Variants in PSG11 observed in about 807,000 individuals in gnomAD.
The protein encoded by PSG11 is pregnancy-specific beta-1-glycoprotein 11.
Under a neutral mutation model 36.0 loss-of-function variants are expected in PSG11, and 42 were observed. The observed-to-expected ratio is 1.17, with a 90% CI of 0.91 to 1.51. The LOEUF (loss-of-function observed/expected upper bound fraction) is 1.51, where lower values mean the gene tolerates loss of function less well. PSG11 is among the 40% of genes most tolerant of loss of function. PSG11 has a pLI of 0.00. For missense variants in PSG11, 558 were observed against 403.5 expected (o/e 1.38, Z -3.28); for synonymous variants, 206 against 153.5 (o/e 1.34, Z -2.53).
chr19:43,020,326 C>T (rs1201009583), intron 2 of PSG11, among the ~76,000 whole-genome samples: 4 of 151,262 alleles, frequency 2.6e-5, no homozygotes, highest in Admixed American at 6.6e-5. Flanking sequence ...ATCCACAATG[C>T]GCCAGTGAGC....
At chr19:43,015,757 C>G (rs780598767) in intron 3 of PSG11, 3 of 1,609,102 alleles carry the variant, frequency 1.9e-6, no homozygotes, top group Admixed American at 3.3e-5. Flanking sequence ...CACAGAGGAA[C>G]AAAAGATACA....
At chr19:43,018,580 C>G in intron 3 of PSG11, 190 bp downstream of exon 3, 1 of 1,353,662 alleles carries the variant, frequency 7.4e-7, no homozygotes. Context: ...ACAGGAGCAG[C>G]CTCTTTTCTC....
intron 2 of PSG11, among the ~76,000 whole-genome samples, chr19:43,023,320 T>C (rs1360558041): frequency 8.0e-5 from 12 of 150,748 alleles, no homozygotes; most frequent in African/African-American, 2.5e-4. Flanking sequence ...CTTCATTTGT[T>C]ATGTGAGAGC....
At chr19:43,024,056 C>T (rs578012352) in intron 2 of PSG11, among the ~76,000 whole-genome samples, 1 of 151,546 alleles carries the variant, frequency 6.6e-6, no homozygotes, top group East Asian at 1.9e-4. Flanking sequence ...AGGCAGTTGG[C>T]TGATGACCTA....
At chr19:43,015,978 G>A in intron 3 of PSG11, 2 of 1,610,116 alleles carry the variant, frequency 1.2e-6, no homozygotes, top group African/African-American at 1.3e-5. Flanking sequence ...CACAGGTGAA[G>A]GTTAAGACAT....
chr19:43,019,221 T>G (rs1489224738), intron 2 of PSG11, among the ~76,000 whole-genome samples, 173 bp from the exon 3 acceptor site: 1 of 151,354 alleles, frequency 6.6e-6, no homozygotes, highest in Non-Finnish European at 1.5e-5. Flanking sequence ...GCTAAGAGAT[T>G]GTGAGGCTGC....
Position 43,015,126 on chromosome 19 carries a change from G to A in PSG11, c.954C>T (p.Ile318=), listed in dbSNP as rs1336990728. The A allele has an allele frequency of 3.1e-6, 5 of 1,611,816 alleles. No homozygotes were observed. The highest frequency in any genetic ancestry group is 4.2e-6 in the Non-Finnish European group (5 of 1,178,952). ...TGEESSTSLT[I]RVIAPPGLGT... ...CTGGGATCCACTTACCAATGACTCTGATTGTCAAGGATGTGGAGCTTTCCT... is the reference window on the plus strand; with the variant it reads ...CTGGGATCCACTTACCAATGACTCTAATTGTCAAGGATGTGGAGCTTTCCT... The change falls in exon 4 of 6, where the codon ATC becomes ATT. Residue 318 remains isoleucine, a synonymous_variant. Coordinates refer to ENST00000320078, the MANE Select transcript of PSG11 (RefSeq NM_002785.3).
At chr19:43,023,123 G>A (rs977748273) in intron 2 of PSG11, among the ~76,000 whole-genome samples, 2 of 150,590 alleles carry the variant, frequency 1.3e-5, no homozygotes, top group Non-Finnish European at 3.0e-5. Flanking sequence ...AGAACCCTCT[G>A]GTGGCCAAAG....
rs186625603 is a variant in PSG11, at chr19:43,011,749, C to T, written c.965-1708G>A. On this transcript the variant is annotated intron_variant, in intron 4 of 5. Coordinates refer to ENST00000320078, the MANE Select transcript of PSG11 (RefSeq NM_002785.3). ...AAAAAATTAAAAAGCCAACTAGCTG[C>T]GCATGGTGACATGCACCTGTAGTCC... Among the ~76,000 whole-genome samples the T allele has an allele frequency of 7.4e-4, 112 of 150,700 alleles. 3 individuals carry two copies. The highest frequency in any genetic ancestry group is 2.4e-3 in the African/African-American group (97 of 40,840).
chr19:43,025,872 T>C (rs1476350284), intron 1 of PSG11, among the ~76,000 whole-genome samples: 13 of 148,026 alleles, frequency 8.8e-5, no homozygotes, highest in African/African-American at 2.2e-4. Flanking sequence ...CTGTCCCTCT[T>C]GGGTGTATTT....
chr19:43,020,469 C>A (rs1215669260), intron 2 of PSG11, among the ~76,000 whole-genome samples: 1 of 151,116 alleles, frequency 6.6e-6, no homozygotes, highest in East Asian at 1.9e-4. Context: ...GGAGATTAGA[C>A]CTCATGTTGT....
intron 3 of PSG11, 36 bp downstream of exon 3, chr19:43,018,734 G>C: frequency 6.2e-7 from 1 of 1,612,074 alleles, no homozygotes; most frequent in Non-Finnish European, 8.5e-7. Flanking sequence ...TATTTGGGAT[G>C]GCAGCCTGGC....
In PSG11 at chr19:43,010,096, G is replaced by A. The variant is rs1022731473; in HGVS notation, c.965-55C>T. ...TGAAGGTGATGTTATTTTACATGGG[G>A]GAGCGTCAGGAACAAGCATGTAACA... On this transcript the variant is annotated intron_variant, in intron 4 of 5. Transcript: ENST00000320078. 1.7e-5 allele frequency: 26 copies of A among 1,567,376 alleles called. 1 individual carries two copies. Among genetic ancestry groups the A allele is most frequent in the Non-Finnish European group, 2.2e-5 (25 of 1,141,786 alleles).
intron 2 of PSG11, among the ~76,000 whole-genome samples, chr19:43,020,116 C>T (rs1462475785): frequency 1.3e-5 from 2 of 151,226 alleles, no homozygotes; most frequent in African/African-American, 4.9e-5. Context: ...GGTGTTGTTC[C>T]GTGGGTGTGC....
chr19:43,019,084 G>A (rs1308004677), intron 2 of PSG11, 36 bp from the exon 3 acceptor site: 7 of 1,597,684 alleles, frequency 4.4e-6, no homozygotes, highest in Non-Finnish European at 5.1e-6. Flanking sequence ...GCCCTGTGTG[G>A]CACCTTTGAT....
chr19:43,018,868 A>G lies in PSG11; in HGVS notation c.611T>C (p.Leu204Pro), dbSNP rs761755073. The G allele has an allele frequency of 6.8e-6, 11 of 1,611,984 alleles. No individual in the cohort carries two copies. The highest frequency in any genetic ancestry group is 9.3e-6 in the Non-Finnish European group (11 of 1,179,080). Residue 204 changes from leucine to proline, a missense_variant, in exon 3 of 6, where the codon CTA becomes CCA. By Grantham distance (98) the Leu-to-Pro change is moderately conservative. Coordinates refer to ENST00000320078, the MANE Select transcript of PSG11 (RefSeq NM_002785.3). ...QLSETNRTLFLFGVTKYTAGP... is the reference protein window; with the variant it reads ...QLSETNRTLFPFGVTKYTAGP... ...TGCAGTATACTTTGTGACACCAAATAGAAAGAGGGTCCTGTTGGTTTCAGA... is the reference window on the plus strand; with the variant it reads ...TGCAGTATACTTTGTGACACCAAATGGAAAGAGGGTCCTGTTGGTTTCAGA...
Position 43,015,912 on chromosome 19 carries a change from C to A in PSG11, c.710-542G>T, listed in dbSNP as rs139041739. On this transcript the variant is annotated intron_variant, in intron 3 of 5. Transcript: ENST00000320078. ...TGGGTCGCTTTACCCTGGGACTGACCGGGAGGCTCTGACAATTTAGCCACC... is the reference window on the plus strand; with the variant it reads ...TGGGTCGCTTTACCCTGGGACTGACAGGGAGGCTCTGACAATTTAGCCACC... 2.5e-5 allele frequency: 40 copies of A among 1,609,770 alleles called. 1 individual carries two copies. The highest frequency in any genetic ancestry group is 4.5e-5 in the East Asian group (2 of 44,808).
intron 3 of PSG11, among the ~76,000 whole-genome samples, chr19:43,016,702 C>T (rs1963786): frequency 0.54 from 81,187 of 150,848 alleles, 23,669 homozygotes; most frequent in East Asian, 0.99. Flanking sequence ...TAGAGCAGAG[C>T]GCAAGGAATG....
At position 43,025,244 on chromosome 19, in the gene PSG11, G is replaced by T; in HGVS notation, c.65-188C>A. 4.6e-6 allele frequency: 5 copies of T among 1,089,824 alleles called. No homozygotes were observed. In the South Asian group the frequency reaches 8.4e-5, roughly 18 times the overall value. The allele number at this position is 1,089,824 out of a possible 1,614,324, so 67.5% of individuals were successfully genotyped here. A position where few individuals can be genotyped will look rare whatever the true frequency, so the allele number is the denominator to read the frequency against. ...TGTTTGTGTATGTGTATGTGTGTGT[G>T]TTCTACTGTCCTACTAGGTCAAGGT... On this transcript the variant is annotated intron_variant, in intron 1 of 5. Transcript: ENST00000320078.
Sources: gnomAD v4.1 joint callset for allele counts (sites outside exome capture counted in the v4.1 genomes callset) on GRCh38, gnomAD v4.1.1 for gene constraint, MANE v1.5 for transcripts, NCBI Gene and HGNC (gene_info 2026-07-23, HGNC 2026-07-21) for gene names.